Variants in CDH23 observed in about 807,000 individuals in gnomAD.
CDH23 encodes the protein cadherin-23.
A neutral mutation model predicts 317.1 loss-of-function variants in CDH23; 189 were observed. The observed-to-expected ratio is 0.60, with a 90% confidence interval of 0.53 to 0.67. The LOEUF is 0.67. CDH23 is among the 30% of genes least tolerant of loss of function. The pLI is 0.00. For synonymous variants in CDH23, 1,839 were observed against 1,876.8 expected, an observed-to-expected ratio of 0.98 and a Z score of 0.52; for missense variants, 4,401 against 4,592.4, an observed-to-expected ratio of 0.96 and a Z score of 1.20.
intron 19 of CDH23, among the ~76,000 whole-genome samples, chr10:71,688,810 C>A (rs796369452): frequency 1.6e-3 from 5 of 3,122 alleles, no homozygotes; most frequent in Admixed American, 2.6e-3. Context: ...GTGGAGCCAA[C>A]GGTGGTGGAG....
At chr10:71,660,917 T>G (rs900514290) in intron 14 of CDH23, among the ~76,000 whole-genome samples, 1 of 152,164 alleles carries the variant, frequency 6.6e-6, no homozygotes, top group Admixed American at 6.5e-5. Context: ...TAGGTACTAA[T>G]ATTGAGGACC....
At chr10:71,417,816 C>T (rs952601009) in intron 1 of CDH23, among the ~76,000 whole-genome samples, 5 of 152,122 alleles carry the variant, frequency 3.3e-5, no homozygotes, top group Non-Finnish European at 7.4e-5. Context: ...TGTCATGTTG[C>T]CCAGGATGGT....
rs7068810 is a variant in CDH23, at chr10:71,784,847, T to C, written c.5503-44T>C. ...CTCCTCGGTTGCCATGCACAACATCTGTCGCTCTTCCTCCCCTCCCTCCTC... is the reference window on the plus strand; with the variant it reads ...CTCCTCGGTTGCCATGCACAACATCCGTCGCTCTTCCTCCCCTCCCTCCTC... On this transcript the variant is annotated intron_variant, in intron 42 of 69. Transcript: ENST00000224721. 0.19 allele frequency: 290,061 copies of C among 1,528,944 alleles called. 28,434 individuals carry two copies. The highest frequency in any genetic ancestry group is 0.27 in the East Asian group (11,982 of 44,434). The allele number at this position is 1,528,944 out of a possible 1,614,324, so 94.7% of individuals were successfully genotyped here. A position where few individuals can be genotyped will look rare whatever the true frequency, so the allele number is the denominator to read the frequency against.
chr10:71,810,914 C>G (rs1841896293), intron 62 of CDH23, among the ~76,000 whole-genome samples: 1 of 152,120 alleles, frequency 6.6e-6, no homozygotes, highest in Admixed American at 6.5e-5. Context: ...AACCTCGTCT[C>G]TACTAAAAAT....
Position 71,582,610 on chromosome 10 carries a change from T to C in CDH23, c.832+4618T>C, listed in dbSNP as rs983208781. ...GCTGCATAACCTTCTAAGCATCCGT[T>C]TTCCAATCTGTAAAATGGAGATAAC... On this transcript the variant is annotated intron_variant, in intron 9 of 69. Transcript: ENST00000224721. 7.9e-5 allele frequency among the ~76,000 whole-genome samples: 12 copies of C among 152,272 alleles called. No individual in the cohort carries two copies. In the East Asian group the frequency reaches 2.3e-3, roughly 29 times the overall value.
intron 6 of CDH23, among the ~76,000 whole-genome samples, chr10:71,533,295 A>G (rs1275236072): frequency 8.5e-5 from 13 of 152,240 alleles, no homozygotes; most frequent in Admixed American, 8.5e-4. Context: ...CCTTGTCTGC[A>G]TAATGAGGAC....
intron 2 of CDH23, among the ~76,000 whole-genome samples, chr10:71,443,315 G>A (rs987321713): frequency 3.3e-5 from 5 of 152,164 alleles, no homozygotes; most frequent in Admixed American, 1.3e-4. Context: ...ACCCTGATCC[G>A]GTGGGGACCT....
At chr10:71,795,673 C>G in intron 48 of CDH23, 2 of 480,536 alleles carry the variant, frequency 4.2e-6, no homozygotes, top group Non-Finnish European at 2.7e-6. Context: ...TTCCCAGTGC[C>G]TCTTCCCCTC....
chr10:71,682,415 G>A, intron 17 of CDH23, 30 bp from the exon 18 acceptor site: 1 of 1,608,742 alleles, frequency 6.2e-7, no homozygotes, highest in Non-Finnish European at 8.5e-7. Flanking sequence ...TCTGCTTACA[G>A]AGGGATCTGG....
rs373961131 is a variant in CDH23 at position 71,702,504 on chromosome 10, C to T, written c.2588-45C>T. The T allele has an allele frequency of 1.6e-5, 25 of 1,610,256 alleles. 1 individual carries two copies. In the East Asian group the frequency reaches 2.0e-4, roughly 13 times the overall value. On this transcript the variant is annotated intron_variant, in intron 23 of 69. Transcript: ENST00000224721. ...TCTTCCTGTCCGTTTTCTCTTGCAC[C>T]CATCTTACCCTGTCCTTGGCCCCTT... is the stretch of plus-strand genomic sequence containing the variant.
chr10:71,646,804 G>C, intron 14 of CDH23, 187 bp downstream of exon 14: 1 of 1,529,974 alleles, frequency 6.5e-7, no homozygotes, highest in Non-Finnish European at 8.8e-7. Flanking sequence ...CCTTGACCTA[G>C]GTTGCAATAT....
At chr10:71,618,787 G>A (rs943358960) in intron 11 of CDH23, among the ~76,000 whole-genome samples, 21 of 152,144 alleles carry the variant, frequency 1.4e-4, no homozygotes, top group Admixed American at 3.3e-4. Flanking sequence ...CTCAGGGCAC[G>A]TGGGCAAGTC....
At chr10:71,662,139 C>A (rs915902850) in intron 14 of CDH23, among the ~76,000 whole-genome samples, 2 of 151,818 alleles carry the variant, frequency 1.3e-5, no homozygotes, top group Non-Finnish European at 2.9e-5. Flanking sequence ...TCATCAGGGA[C>A]CTGCGGGCGG....
chr10:71,557,529 C>G (rs1232335391), intron 6 of CDH23, among the ~76,000 whole-genome samples: 1 of 152,130 alleles, frequency 6.6e-6, no homozygotes, highest in Non-Finnish European at 1.5e-5. Context: ...GTCATATTTT[C>G]CTGTTTCTTG....
chr10:71,517,253 C>T (rs999515340), intron 6 of CDH23, among the ~76,000 whole-genome samples: 5 of 152,230 alleles, frequency 3.3e-5, no homozygotes, highest in Non-Finnish European at 7.3e-5. Flanking sequence ...ACTGAGCTGG[C>T]AAGGGCACTT....
chr10:71,646,010 T>C (rs532687616), intron 13 of CDH23, 30 bp downstream of exon 13: 2 of 1,597,128 alleles, frequency 1.3e-6, no homozygotes, highest in South Asian at 1.1e-5. Context: ...CATTTTGGAG[T>C]GGGGTGGGGG....
chr10:71,548,291 G>A (rs573771886), intron 6 of CDH23, among the ~76,000 whole-genome samples: 4 of 152,316 alleles, frequency 2.6e-5, no homozygotes, highest in East Asian at 1.9e-4. Flanking sequence ...ATGTGTGTGC[G>A]TGGTGGAGGG....
chr10:71,793,788 C>T (rs1043646962), intron 48 of CDH23, 148 bp downstream of exon 48: 49 of 648,030 alleles, frequency 7.6e-5, no homozygotes, highest in African/African-American at 4.2e-4. Context: ...AAACCAGAAC[C>T]GTCCTTCTCT....
intron 3 of CDH23, among the ~76,000 whole-genome samples, chr10:71,508,958 C>A (rs992823651): frequency 7.2e-5 from 11 of 152,192 alleles, no homozygotes; most frequent in African/African-American, 2.7e-4. Context: ...CAAAGCAGGG[C>A]AGTTAGTGAC....
Sources: allele counts gnomAD v4.1 joint callset (sites outside exome capture counted in the v4.1 genomes callset), GRCh38; gene constraint gnomAD v4.1.1; transcripts MANE v1.5; gene names NCBI Gene and HGNC (gene_info 2026-07-23, HGNC 2026-07-21).